TANC2: variants seen among roughly 807,000 people sequenced by gnomAD.
TANC2 encodes tetratricopeptide repeat, ankyrin repeat and coiled-coil containing 2.
TANC2 carries 26 observed loss-of-function variants against 210.5 expected under a neutral mutation model. That is an observed-to-expected ratio of 0.12 (90% CI 0.09 to 0.17). TANC2 has a LOEUF of 0.17. Among genes scored for constraint, TANC2 ranks in the 10% least tolerant of loss-of-function variants. The pLI is 1.00. For synonymous variants in TANC2, 931 were observed against 967.1 expected (o/e 0.96, Z 0.69); for missense variants, 2,129 against 2,608.9 (o/e 0.82, Z 4.01).
chr17:63,406,745 A>G (rs956193640), intron 21 of TANC2, among the ~76,000 whole-genome samples: 2 of 152,202 alleles, frequency 1.3e-5, no homozygotes, highest in African/African-American at 2.4e-5. Flanking sequence ...ACACTTACCA[A>G]CATCCACAAA....
chr17:63,090,305 T>G (rs2037136649), intron 3 of TANC2, among the ~76,000 whole-genome samples: 1 of 151,754 alleles, frequency 6.6e-6, no homozygotes, highest in South Asian at 2.1e-4. Flanking sequence ...GTTGGTGTGC[T>G]GCACCCATTA....
rs753770664 is a variant in TANC2 at position 63,421,413 on chromosome 17, C to G, written c.5683C>G (p.Pro1895Ala). ...TTCTTCCATCCAGCAAATGGAGATC[C>G]CACTGAAACCTGCATATGAGAGGTC... The change falls in exon 28 of 28, where the codon CCA (proline) becomes GCA (alanine). Residue 1895 changes from proline to alanine, a missense_variant. By Grantham distance (27) the Pro-to-Ala change is conservative (BLOSUM62 -1). Around this residue, in one of 5 missense-constraint regions of TANC2, gnomAD observed 584 missense variants for 627.3 expected, o/e 0.93. Coordinates refer to ENST00000689528, the Ensembl canonical transcript of TANC2. This position sits in a 1 kb window ranked among gnomAD's most constrained non-coding sequence, Gnocchi z 6.9. The G allele has an allele frequency of 5.0e-6, 8 of 1,613,990 alleles. No individual in the cohort carries two copies. Among genetic ancestry groups the G allele is most frequent in the Non-Finnish European group, 5.9e-6 (7 of 1,179,882 alleles).
At chr17:63,186,061 G>C (rs1169595911) in intron 5 of TANC2, among the ~76,000 whole-genome samples, 2 of 151,840 alleles carry the variant, frequency 1.3e-5, no homozygotes, top group African/African-American at 4.8e-5. Context: ...TTTACCTTTG[G>C]GTCTATAATC....
At chr17:63,194,034 G>C in exon 6 of TANC2, 1 of 1,613,244 alleles carries the variant, frequency 6.2e-7, no homozygotes, top group East Asian at 2.2e-5. Context: ...CTGTAGATGA[G>C]GCAGCAAACA....
At chr17:63,154,923 ATAT>A (rs1181649778) in intron 5 of TANC2, 4 of 152,120 alleles carry the variant, frequency 2.6e-5, no homozygotes, top group African/African-American at 9.7e-5. Context: ...ATACATGAAT[ATAT>A]ATTCATAGGA....
intron 11 of TANC2, among the ~76,000 whole-genome samples, chr17:63,324,253 T>C (rs1439389899): frequency 6.6e-6 from 1 of 152,120 alleles, no homozygotes. Flanking sequence ...GTCACAGAGA[T>C]ACAAAAAGCA....
At chr17:63,328,301 C>T (rs1794004126) in intron 11 of TANC2, among the ~76,000 whole-genome samples, 1 of 151,826 alleles carries the variant, frequency 6.6e-6, no homozygotes. Context: ...AACAAACCTG[C>T]CCATGTACTT....
intron 8 of TANC2, among the ~76,000 whole-genome samples, chr17:63,243,424 G>A (rs1165108381): frequency 1.3e-5 from 2 of 152,170 alleles, no homozygotes; most frequent in Admixed American, 1.3e-4. Context: ...AGTTTTATCA[G>A]TTTTATTCAT....
At position 63,128,034 on chromosome 17, in the gene TANC2, T is replaced by G. The variant is rs192139540; in HGVS notation, c.323-23236T>G. The stretch of plus-strand genomic sequence containing the variant: ...GAGAGGCAGTTAAGTTAATGCCCAT[T>G]GTACTTCTTATTATGATAATATAAT... On this transcript the variant is annotated intron_variant, in intron 4 of 27. Coordinates refer to ENST00000689528, the Ensembl canonical transcript of TANC2. 2.2e-3 allele frequency among the ~76,000 whole-genome samples: 332 copies of G among 152,288 alleles called. 2 individuals are homozygous for G. Among genetic ancestry groups the G allele is most frequent in the Non-Finnish European group, 3.8e-3 (257 of 68,026 alleles).
chr17:63,411,945 C>G, intron 22 of TANC2, 53 bp from the exon 23 acceptor site: 1 of 1,599,264 alleles, frequency 6.3e-7, no homozygotes, highest in Non-Finnish European at 8.5e-7. Context: ...CTCGGTGGAA[C>G]AGTGCTGAGC....
intron 4 of TANC2, among the ~76,000 whole-genome samples, chr17:63,132,270 A>G (rs541431097): frequency 6.6e-6 from 1 of 152,202 alleles, no homozygotes; most frequent in East Asian, 1.9e-4. Context: ...TAAACAAAAT[A>G]ATGTGATGAA....
At chr17:62,983,569 T>C (rs1213263267) in intron 1 of TANC2, among the ~76,000 whole-genome samples, 2 of 152,140 alleles carry the variant, frequency 1.3e-5, no homozygotes, top group African/African-American at 4.8e-5. Flanking sequence ...AACTTTGAGC[T>C]TTTACCCATT....
intron 2 of TANC2, among the ~76,000 whole-genome samples, chr17:63,041,942 ACAG>A (rs2035204714): frequency 6.6e-6 from 1 of 152,188 alleles, no homozygotes; most frequent in African/African-American, 2.4e-5. Flanking sequence ...TGACACGCAA[ACAG>A]CAGGATGCTG....
chr17:63,061,281 T>G (rs754323757), intron 2 of TANC2, among the ~76,000 whole-genome samples: 3 of 151,362 alleles, frequency 2.0e-5, no homozygotes, highest in Non-Finnish European at 4.4e-5. Context: ...GCAGGAGAGT[T>G]GCTTGAATCC....
At chr17:63,005,917 TG>T (rs2033606747) in intron 1 of TANC2, among the ~76,000 whole-genome samples, 2 of 150,402 alleles carry the variant, frequency 1.3e-5, no homozygotes, top group Admixed American at 6.6e-5. Context: ...TGTGTGTGTG[TG>T]TGTGTGTGTG....
At chr17:63,026,580 A>G (rs960909597) in intron 2 of TANC2, among the ~76,000 whole-genome samples, 10 of 152,146 alleles carry the variant, frequency 6.6e-5, no homozygotes, top group Non-Finnish European at 1.2e-4. Context: ...TTTGTTCTGA[A>G]ATTTCTGGTT....
At chr17:63,252,040 G>A (rs1048917158) in intron 8 of TANC2, among the ~76,000 whole-genome samples, 3 of 152,138 alleles carry the variant, frequency 2.0e-5, no homozygotes, top group Admixed American at 6.5e-5. Flanking sequence ...GAAGTTAAAC[G>A]TGAGAAACTA....
At chr17:63,395,132 A>G (rs1256002861) in intron 17 of TANC2, among the ~76,000 whole-genome samples, 1 of 152,224 alleles carries the variant, frequency 6.6e-6, no homozygotes, top group Non-Finnish European at 1.5e-5. Flanking sequence ...CTTTCAGCCT[A>G]AACTTGTAAC....
chr17:63,206,338 T>C (rs1332132492), intron 7 of TANC2, among the ~76,000 whole-genome samples: 1 of 152,172 alleles, frequency 6.6e-6, no homozygotes, highest in Non-Finnish European at 1.5e-5. Flanking sequence ...GATCCGGCAA[T>C]TTCTCTTCTA....
Sources: allele counts gnomAD v4.1 joint callset (sites outside exome capture counted in the v4.1 genomes callset), GRCh38; gene constraint gnomAD v4.1.1; regional missense constraint gnomAD v4.1.1; non-coding constraint Gnocchi (gnomAD v3.1); transcripts MANE v1.5; gene names NCBI Gene and HGNC (gene_info 2026-07-23, HGNC 2026-07-21).